Variants in GADL1 observed in about 807,000 individuals in gnomAD.
GADL1 encodes GAD like acidic amino acid decarboxylase 1, also known as acidic amino acid decarboxylase GADL1.
A neutral mutation model predicts 69.5 loss-of-function variants in GADL1; 71 were observed. The ratio of observed to expected loss-of-function variants is 1.02; its 90% CI spans 0.84 to 1.25. The LOEUF (loss-of-function observed/expected upper bound fraction) is 1.25. Ranked by LOEUF, GADL1 falls within the 50% of genes most tolerant of loss-of-function variation. The probability of loss-of-function intolerance (pLI) is 0.00; values close to 1 mark genes in which losing one functional copy is unlikely to be tolerated. For missense variants in GADL1, 737 were observed against 631.8 expected (o/e 1.17, Z -1.79); for synonymous variants, 254 against 214.4 (o/e 1.18, Z -1.62).
intron 14 of GADL1, among the ~76,000 whole-genome samples, chr3:30,763,627 A>G (rs1263320380): frequency 1.3e-5 from 2 of 152,166 alleles, no homozygotes; most frequent in Non-Finnish European, 2.9e-5. Flanking sequence ...TTGCCCAACT[A>G]TAGTCTAAGA....
intron 14 of GADL1, among the ~76,000 whole-genome samples, chr3:30,768,390 T>G (rs1190633579): frequency 6.6e-6 from 1 of 152,054 alleles, no homozygotes; most frequent in African/African-American, 2.4e-5. Context: ...TTTCAGGAGT[T>G]TGGTCCAAAG....
chr3:30,751,082 A>G (rs1695803638), intron 14 of GADL1, among the ~76,000 whole-genome samples: 1 of 152,068 alleles, frequency 6.6e-6, no homozygotes, highest in Non-Finnish European at 1.5e-5. Flanking sequence ...GCATAAGCAA[A>G]AGAACAGCAG....
chr3:30,816,530 CTTTTTTTTT>C (rs773530741), intron 11 of GADL1, among the ~76,000 whole-genome samples: 6 of 53,984 alleles, frequency 1.1e-4, no homozygotes, highest in South Asian at 6.9e-4. Context: ...AATTTGTTTT[CTTTTTTTTT>C]TTTTTTTTTT....
chr3:30,755,263 A>T (rs1457557176), intron 14 of GADL1, among the ~76,000 whole-genome samples: 1 of 148,238 alleles, frequency 6.7e-6, no homozygotes, highest in African/African-American at 2.5e-5. Context: ...AAAGATGTTT[A>T]CATGGTGAAA....
chr3:30,872,624 A>C (rs895454703), intron 1 of GADL1, among the ~76,000 whole-genome samples: 1 of 151,922 alleles, frequency 6.6e-6, no homozygotes. Context: ...TCTTGGTGAT[A>C]CTGTCAGTTA....
chr3:30,884,750 C>T (rs1167890980), intron 1 of GADL1, among the ~76,000 whole-genome samples: 1 of 151,978 alleles, frequency 6.6e-6, no homozygotes, highest in South Asian at 2.1e-4. Context: ...AAATCATACT[C>T]CCCAGAGATT....
At chr3:30,792,921 T>C (rs1696953069) in intron 12 of GADL1, among the ~76,000 whole-genome samples, 1 of 152,158 alleles carries the variant, frequency 6.6e-6, no homozygotes, top group African/African-American at 2.4e-5. Flanking sequence ...AGATTGAACA[T>C]TGCTACGTGA....
intron 14 of GADL1, among the ~76,000 whole-genome samples, chr3:30,765,916 A>T (rs761964071): frequency 6.6e-6 from 1 of 151,350 alleles, no homozygotes; most frequent in East Asian, 1.9e-4. Context: ...TCCCCTCCCA[A>T]ATATTGCTTT....
chr3:30,872,277 T>C (rs1037891281), intron 1 of GADL1, among the ~76,000 whole-genome samples: 20 of 151,936 alleles, frequency 1.3e-4, no homozygotes, highest in African/African-American at 4.8e-4. Flanking sequence ...TGTGGCTTAG[T>C]GGTAGCTACT....
chr3:30,819,845 A>G (rs1054419098), intron 11 of GADL1, among the ~76,000 whole-genome samples: 4 of 152,034 alleles, frequency 2.6e-5, no homozygotes, highest in Admixed American at 2.6e-4. Context: ...TTAGCAAAAT[A>G]TATTTGAGAA....
intron 11 of GADL1, among the ~76,000 whole-genome samples, chr3:30,806,123 T>C (rs1045403293): frequency 2.0e-5 from 3 of 152,086 alleles, no homozygotes; most frequent in African/African-American, 7.2e-5. Context: ...CTTGCAATGA[T>C]GTTTTTCAGC....
chr3:30,728,710 C>T (rs1315486846), intron 14 of GADL1, among the ~76,000 whole-genome samples: 1 of 151,976 alleles, frequency 6.6e-6, no homozygotes, highest in African/African-American at 2.4e-5. Flanking sequence ...TCTCAAGGTC[C>T]CAGGCATTTT....
chr3:30,777,008 C>T (rs995239950), intron 14 of GADL1, among the ~76,000 whole-genome samples: 1 of 152,204 alleles, frequency 6.6e-6, no homozygotes, highest in African/African-American at 2.4e-5. Flanking sequence ...TTTCTCTCTA[C>T]TTTCACTGCA....
At position 30,778,211 on chromosome 3, in the gene GADL1, C is replaced by G; in HGVS notation, c.1360G>C (p.Glu454Gln). The G allele has an allele frequency of 6.2e-7, 1 of 1,612,096 alleles. No homozygotes were observed. The highest frequency in any genetic ancestry group is 2.2e-5 in the East Asian group (1 of 44,842). The change falls in exon 14 of 15, where the codon GAA (glutamate) becomes CAA (glutamine). Residue 454 changes from glutamate (E) to glutamine (Q), a missense_variant. By Grantham distance (29) the Glu-to-Gln change is conservative (BLOSUM62 2). Coordinates refer to ENST00000282538, the MANE Select transcript of GADL1 (RefSeq NM_207359.3). The stretch of plus-strand genomic sequence containing the variant: ...AGTTTTGCCCAGAACTCGGGTCCTT[C>G]TTCCATCTCTCTGAGGCTCGGTGGA... The part of the protein sequence containing the change: ...YIPPSLREME[E>Q]GPEFWAKLNL...
intron 14 of GADL1, among the ~76,000 whole-genome samples, chr3:30,738,653 C>T (rs926668250): frequency 2.0e-5 from 3 of 152,104 alleles, no homozygotes; most frequent in Admixed American, 1.3e-4. Context: ...ATCCCAGGTT[C>T]TTCTTTAGGT....
chr3:30,774,169 T>C (rs900304213), intron 14 of GADL1, among the ~76,000 whole-genome samples: 1 of 152,048 alleles, frequency 6.6e-6, no homozygotes, highest in Non-Finnish European at 1.5e-5. Context: ...ATTTTCATGA[T>C]TTTGAGAGGG....
intron 9 of GADL1, among the ~76,000 whole-genome samples, chr3:30,835,872 T>G (rs1697864441): frequency 6.6e-6 from 1 of 152,000 alleles, no homozygotes; most frequent in African/African-American, 2.4e-5. Context: ...ATTTCCTCCC[T>G]TACTTGGATT....
chr3:30,728,144 T>A lies in GADL1; in HGVS notation c.*98A>T. On this transcript the variant is annotated 3_prime_UTR_variant, in exon 15 of 15. Coordinates refer to ENST00000282538, the MANE Select transcript of GADL1 (RefSeq NM_207359.3). ...CTGGACTGGGAGTATTCCCTATTTC[T>A]CATCAGAAGGGCTGCAATCTACTGT... The A allele has an allele frequency of 1.8e-6, 2 of 1,089,634 alleles. No homozygotes were observed. The highest frequency in any genetic ancestry group is 2.7e-6 in the Non-Finnish European group (2 of 735,154). The allele number at this position is 1,089,634 out of a possible 1,614,324, so 67.5% of individuals were successfully genotyped here. A position where few individuals can be genotyped will look rare whatever the true frequency, so the allele number is the denominator to read the frequency against.
intron 13 of GADL1, 42 bp downstream of exon 13, chr3:30,786,311 CTG>C: frequency 8.2e-7 from 1 of 1,222,996 alleles, no homozygotes; most frequent in African/African-American, 1.5e-5. Context: ...ACCTTCATCA[CTG>C]TTAACTGACA....
Sources: allele counts gnomAD v4.1 joint callset (sites outside exome capture counted in the v4.1 genomes callset), GRCh38; gene constraint gnomAD v4.1.1; transcripts MANE v1.5; gene names NCBI Gene and HGNC (gene_info 2026-07-23, HGNC 2026-07-21).